The following TBCK variants were observed in gnomAD, a reference collection of about 807,000 sequenced individuals.
TBCK encodes the protein TBC domain-containing protein kinase-like protein.
In TBCK, 99 loss-of-function variants were observed where a neutral mutation model predicts 113.4. That is an observed-to-expected ratio of 0.87 (90% CI 0.74 to 1.03). The LOEUF (loss-of-function observed/expected upper bound fraction) is 1.03, where lower values mean the gene tolerates loss of function less well. Ranked by LOEUF, TBCK falls within the 50% of genes least tolerant of loss-of-function variation. TBCK has a pLI of 0.00. For synonymous variants in TBCK, 369 were observed against 370.8 expected, an observed-to-expected ratio of 1.00 and a Z score of 0.05; for missense variants, 1,045 against 1,061.3, an observed-to-expected ratio of 0.98 and a Z score of 0.21.
rs952827912 is a variant in TBCK at position 106,116,306 on chromosome 4, C to T, written c.2308G>A (p.Asp770Asn). The change falls in exon 24 of 26, where the codon GAC becomes AAC. Residue 770 changes from aspartate to asparagine, a missense_variant. Coordinates refer to ENST00000394708, the MANE Select transcript of TBCK (RefSeq NM_001163435.3). The stretch of plus-strand genomic sequence containing the variant: ...CCTGTCACTGTGAGCTCACACAAGT[C>T]AATCAGGTCCTCTGCTGAAATCCGT... Reference protein sequence around the residue: ...SPRISAEDLIDLCELTVTGHF... With the variant: ...SPRISAEDLINLCELTVTGHF... 13 of 1,613,486 alleles carry T rather than the reference C, an allele frequency of 8.1e-6. No individual in the cohort carries two copies. Among genetic ancestry groups the T allele is most frequent in the Non-Finnish European group, 1.1e-5 (13 of 1,179,964 alleles).
At chr4:106,111,646 C>T (rs754189865) in intron 24 of TBCK, among the ~76,000 whole-genome samples, 1 of 152,180 alleles carries the variant, frequency 6.6e-6, no homozygotes, top group Non-Finnish European at 1.5e-5. Context: ...GCAGCCCCAA[C>T]AGAGCTAGTA....
chr4:106,287,342 A>G (rs1765216215), intron 3 of TBCK, among the ~76,000 whole-genome samples: 1 of 152,162 alleles, frequency 6.6e-6, no homozygotes, highest in African/African-American at 2.4e-5. Context: ...TTCAGTTAGC[A>G]TTAATATTGA....
At chr4:106,287,737 A>G (rs1367168677) in intron 3 of TBCK, among the ~76,000 whole-genome samples, 1 of 152,156 alleles carries the variant, frequency 6.6e-6, no homozygotes, top group East Asian at 1.9e-4. Context: ...AACAACTAGC[A>G]CCTTCTTTAT....
intron 23 of TBCK, among the ~76,000 whole-genome samples, chr4:106,166,474 A>G (rs902607815): frequency 5.3e-5 from 8 of 151,820 alleles, no homozygotes; most frequent in African/African-American, 1.9e-4. Flanking sequence ...AAATAATTTC[A>G]ACTTTTATTT....
chr4:106,084,981 A>C (rs979970161), intron 25 of TBCK, among the ~76,000 whole-genome samples: 2 of 152,190 alleles, frequency 1.3e-5, no homozygotes, highest in Non-Finnish European at 2.9e-5. Flanking sequence ...AGTGCCAGCC[A>C]CTGCAAAAAC....
At position 106,236,465 on chromosome 4, in the gene TBCK, C is replaced by T. The variant is rs139522309; in HGVS notation, c.1275G>A (p.Thr425=). ...NSNNELSAAA[T]LPLIIREKDT... The stretch of plus-strand genomic sequence containing the variant: ...CCTTCTCTCTGATGATTAAAGGGAG[C>T]GTGGCAGCTGCAGACAACTCATTAT... The change falls in exon 14 of 26, where the codon ACG becomes ACA. Residue 425 remains threonine (T), a synonymous_variant. Coordinates refer to ENST00000394708, the MANE Select transcript of TBCK (RefSeq NM_001163435.3). 643 of 1,577,242 alleles carry T rather than the reference C, an allele frequency of 4.1e-4. 6 individuals carry two copies. Among genetic ancestry groups the T allele is most frequent in the Admixed American group, 2.8e-3 (158 of 57,274 alleles).
intron 23 of TBCK, among the ~76,000 whole-genome samples, chr4:106,130,154 T>A (rs989534213): frequency 6.6e-6 from 1 of 152,196 alleles, no homozygotes; most frequent in African/African-American, 2.4e-5. Context: ...GTGTCCTAAT[T>A]TGAGGGTACT....
At chr4:106,294,585 C>T (rs1329258152) in intron 3 of TBCK, among the ~76,000 whole-genome samples, 1 of 151,972 alleles carries the variant, frequency 6.6e-6, no homozygotes, top group Admixed American at 6.6e-5. Flanking sequence ...GGGTTCACGC[C>T]ATTCTCCTTT....
intron 3 of TBCK, among the ~76,000 whole-genome samples, chr4:106,275,301 T>C (rs554725187): frequency 3.9e-5 from 6 of 152,270 alleles, no homozygotes; most frequent in Admixed American, 3.3e-4. Context: ...AAGGCATATA[T>C]AAAAACCTTA....
At chr4:106,048,925 T>C (rs1238447318) in intron 25 of TBCK, among the ~76,000 whole-genome samples, 1 of 151,750 alleles carries the variant, frequency 6.6e-6, no homozygotes, top group Non-Finnish European at 1.5e-5. Context: ...GTGTGGGAGG[T>C]CTAAGAAGAA....
In TBCK at chr4:106,253,627, T is replaced by C. The variant is rs192128941; in HGVS notation, c.456-1620A>G. On this transcript the variant is annotated intron_variant, in intron 5 of 25. Coordinates refer to ENST00000394708, the MANE Select transcript of TBCK (RefSeq NM_001163435.3). ...CACCAACACTTGATATTTGACAGAC[T>C]TTTTAATGTTTAACAATCTGGTATA... Among the ~76,000 whole-genome samples, 53 of 152,358 alleles carry C rather than the reference T, an allele frequency of 3.5e-4. No homozygotes were observed. The East Asian group carries it at 6.6e-3, about 19-fold the overall frequency.
chr4:106,226,845 G>A (rs1407570334), intron 19 of TBCK, among the ~76,000 whole-genome samples: 2 of 152,034 alleles, frequency 1.3e-5, no homozygotes, highest in Non-Finnish European at 2.9e-5. Context: ...ACTGATAAGG[G>A]TAAGAAGGAA....
intron 25 of TBCK, among the ~76,000 whole-genome samples, chr4:106,085,127 C>A: frequency 6.6e-6 from 1 of 152,066 alleles, no homozygotes; most frequent in South Asian, 2.1e-4. Context: ...GGGCTAAATG[C>A]CCCAATTAAA....
chr4:106,109,907 T>C (rs1481897556), intron 24 of TBCK, among the ~76,000 whole-genome samples: 1 of 152,170 alleles, frequency 6.6e-6, no homozygotes, highest in Non-Finnish European at 1.5e-5. Context: ...TCCAGGAGGT[T>C]TTATAAAAGC....
intron 23 of TBCK, among the ~76,000 whole-genome samples, chr4:106,158,302 C>A (rs1301278068): frequency 6.6e-6 from 1 of 152,122 alleles, no homozygotes; most frequent in African/African-American, 2.4e-5. Flanking sequence ...ATAATCCCAG[C>A]ACTTTGGGAG....
chr4:106,262,098 C>A lies in TBCK; in HGVS notation c.381G>T (p.Lys127Asn). The A allele has an allele frequency of 6.7e-7, 1 of 1,503,592 alleles. No homozygotes were observed. 93.1% of individuals were successfully genotyped at this position (1,503,592 alleles called of 1,614,324 possible). The change falls in exon 4 of 26, where the codon AAG becomes AAT. Residue 127 changes from lysine to asparagine, a missense_variant and splice_region_variant. By Grantham distance (94) the Lys-to-Asn change is moderately conservative. Transcript: ENST00000394708. ...LSPHNILLDR[K>N]GHIKLAKFGL... is the part of the protein sequence containing the mutation. ...ATTTATTACATGATTTAACAATTAC[C>A]TTTCGGTCCAACAGGATATTATGAG...
At chr4:106,237,864 A>G (rs1394784119) in intron 12 of TBCK, among the ~76,000 whole-genome samples, 2 of 152,074 alleles carry the variant, frequency 1.3e-5, no homozygotes, top group Non-Finnish European at 2.9e-5. Flanking sequence ...TTTTCAGTAT[A>G]CTGTATGTCA....
chr4:106,079,110 A>G (rs554096034), intron 25 of TBCK, among the ~76,000 whole-genome samples: 9 of 152,344 alleles, frequency 5.9e-5, no homozygotes, highest in African/African-American at 2.2e-4. Flanking sequence ...AAGGTCTTCA[A>G]TAAAATTAAA....
At chr4:106,048,489 A>G (rs1427651971) in intron 25 of TBCK, among the ~76,000 whole-genome samples, 2 of 152,058 alleles carry the variant, frequency 1.3e-5, no homozygotes, top group African/African-American at 4.8e-5. Context: ...GCTGGTCTTC[A>G]TCCTGTTCTT....
Sources: gnomAD v4.1 joint callset for allele counts (sites outside exome capture counted in the v4.1 genomes callset) on GRCh38, gnomAD v4.1.1 for gene constraint, MANE v1.5 for transcripts, NCBI Gene and HGNC (gene_info 2026-07-23, HGNC 2026-07-21) for gene names.